Variants in GGA2 observed in about 807,000 individuals in gnomAD.
GGA2 encodes the protein golgi associated, gamma adaptin ear containing, ARF binding protein 2.
GGA2 carries 48 observed loss-of-function variants against 79.5 expected under a neutral mutation model. That is an observed-to-expected ratio of 0.60 (90% CI 0.48 to 0.77). The LOEUF (loss-of-function observed/expected upper bound fraction) is 0.77. GGA2 is among the 30% of genes least tolerant of loss of function. GGA2 has a pLI of 0.00. For synonymous variants in GGA2, 317 were observed against 302.0 expected (o/e 1.05, Z -0.51); for missense variants, 770 against 774.0 (o/e 0.99, Z 0.06).
intron 13 of GGA2, 36 bp downstream of exon 13, chr16:23,478,332 C>T: frequency 2.6e-6 from 4 of 1,527,058 alleles, no homozygotes; most frequent in Non-Finnish European, 1.8e-6. Flanking sequence ...CACTCAGGAG[C>T]CACACTCTCC....
Position 23,480,743 on chromosome 16 carries a change from A to T in GGA2, c.908T>A (p.Leu303His). 6.2e-7 allele frequency: 1 copy of T among 1,611,506 alleles called. No homozygotes were observed. The highest frequency in any genetic ancestry group is 8.5e-7 in the Non-Finnish European group (1 of 1,177,760). The stretch of plus-strand genomic sequence containing the variant: ...TTTGTACAGCAGAACTCCTTGGGTG[A>T]GGAGGTCATTTGCCTGGAGAATTTC... ...LAEILQANDL[L>H]TQGVLLYKQV... Residue 303 changes from leucine to histidine, a missense_variant, in exon 10 of 17, where the codon CTC becomes CAC. Coordinates refer to ENST00000309859, the MANE Select transcript of GGA2 (RefSeq NM_015044.4).
chr16:23,504,378 T>G (rs1964952249), intron 1 of GGA2, among the ~76,000 whole-genome samples: 1 of 152,244 alleles, frequency 6.6e-6, no homozygotes, highest in African/African-American at 2.4e-5. Flanking sequence ...AAAGCAGGCC[T>G]GTCTCATTCA....
intron 2 of GGA2, among the ~76,000 whole-genome samples, chr16:23,517,704 T>C (rs1016165919): frequency 3.3e-5 from 5 of 152,162 alleles, no homozygotes; most frequent in African/African-American, 1.2e-4. Flanking sequence ...AACACCCATC[T>C]ACCTGGGAAA....
At chr16:23,469,361 A>C (rs1316092878) in intron 15 of GGA2, 1 of 218,422 alleles carries the variant, frequency 4.6e-6, no homozygotes, top group African/African-American at 2.2e-5. Context: ...CTTATAAAAC[A>C]GAGGTAGTAG....
chr16:23,493,131 G>A (rs757628244), intron 4 of GGA2, among the ~76,000 whole-genome samples: 1 of 152,204 alleles, frequency 6.6e-6, no homozygotes, highest in Non-Finnish European at 1.5e-5. Context: ...TAGGCCACAC[G>A]TTCCCCAGGC....
rs982353428 is a variant in GGA2 at position 23,479,821 on chromosome 16, G to C, written c.1073C>G (p.Pro358Arg). 3.7e-6 allele frequency: 6 copies of C among 1,614,044 alleles called. No homozygotes were observed. The African/African-American group carries it at 5.3e-5, about 14-fold the overall frequency. Residue 358 changes from proline to arginine, a missense_variant, in exon 11 of 17, where the codon CCT (proline) becomes CGT (arginine). By Grantham distance (103) the Pro-to-Arg change is moderately radical (BLOSUM62 -2). Coordinates refer to ENST00000309859, the MANE Select transcript of GGA2 (RefSeq NM_015044.4). Reference sequence around the variant, plus strand: ...TGGCACCACAGTCCCCATCTGCGCAGGTCCATTGTCCACCTCCAAGTCAAT... The same window carrying C: ...TGGCACCACAGTCCCCATCTGCGCACGTCCATTGTCCACCTCCAAGTCAAT... Reference protein sequence around the residue: ...PLIDLEVDNGPAQMGTVVPSL... With the variant: ...PLIDLEVDNGRAQMGTVVPSL...
intron 2 of GGA2, among the ~76,000 whole-genome samples, chr16:23,518,207 G>A (rs1357459150): frequency 6.6e-6 from 1 of 151,804 alleles, no homozygotes; most frequent in Non-Finnish European, 1.5e-5. Context: ...CACCACGCCT[G>A]GCTGACATTT....
chr16:23,469,071 G>T, intron 15 of GGA2, 75 bp from the exon 16 acceptor site: 1 of 930,990 alleles, frequency 1.1e-6, no homozygotes, highest in Non-Finnish European at 1.8e-6. Flanking sequence ...GTGAGGGGGA[G>T]CTGGACCTCC....
At chr16:23,500,451 G>A (rs1404501572) in intron 1 of GGA2, among the ~76,000 whole-genome samples, 1 of 152,228 alleles carries the variant, frequency 6.6e-6, no homozygotes, top group Non-Finnish European at 1.5e-5. Flanking sequence ...GCAAGCAGAG[G>A]TGCAGGCCAA....
chr16:23,471,048 G>A (rs1964505061), intron 14 of GGA2, among the ~76,000 whole-genome samples: 1 of 151,652 alleles, frequency 6.6e-6, no homozygotes, highest in Non-Finnish European at 1.5e-5. Context: ...CAGGCTGGGG[G>A]AGGTCAGGCC....
At chr16:23,504,992 G>A (rs538319679) in intron 1 of GGA2, among the ~76,000 whole-genome samples, 1 of 152,248 alleles carries the variant, frequency 6.6e-6, no homozygotes, top group East Asian at 1.9e-4. Context: ...ACCAACCACC[G>A]GGGTCATGAC....
chr16:23,472,969 C>T (rs1027780351), intron 14 of GGA2, among the ~76,000 whole-genome samples: 3 of 140,078 alleles, frequency 2.1e-5, no homozygotes, highest in Non-Finnish European at 3.0e-5. Flanking sequence ...GGAGGTGAAG[C>T]TTGCAGTGAG....
chr16:23,501,635 C>A, intron 1 of GGA2: 1 of 251,024 alleles, frequency 4.0e-6, no homozygotes, highest in Non-Finnish European at 8.0e-6. Flanking sequence ...GCATGAATTT[C>A]ATTGGTATTC....
intron 5 of GGA2, among the ~76,000 whole-genome samples, chr16:23,489,781 G>A (rs1173891728): frequency 2.6e-5 from 4 of 152,192 alleles, no homozygotes; most frequent in African/African-American, 9.7e-5. Context: ...AAAACAGCGG[G>A]AAGGCCTGAA....
chr16:23,499,022 C>T lies in GGA2; in HGVS notation c.92-3244G>A, dbSNP rs74012185. 5.8e-3 allele frequency among the ~76,000 whole-genome samples: 876 copies of T among 152,128 alleles called. 14 individuals are homozygous for T. Among genetic ancestry groups the T allele is most frequent in the African/African-American group, 0.02 (831 of 41,482 alleles). On this transcript the variant is annotated intron_variant, in intron 1 of 16. Transcript: ENST00000309859. ...GAGGCAGGAAGAGAACAGGGGGAGG[C>T]AGGGAGAGAACAGGAGAGGCAGAGA...
At chr16:23,495,872 G>T in intron 1 of GGA2, 94 bp from the exon 2 acceptor site, 2 of 714,732 alleles carry the variant, frequency 2.8e-6, no homozygotes, top group Non-Finnish European at 4.7e-6. Context: ...TCTTATCACA[G>T]ATCTACAGGA....
chr16:23,471,925 A>T (rs1374158143), intron 14 of GGA2, among the ~76,000 whole-genome samples: 1 of 152,202 alleles, frequency 6.6e-6, no homozygotes, highest in Non-Finnish European at 1.5e-5. Flanking sequence ...AATTTAAAAA[A>T]AAATTAAAAC....
chr16:23,496,848 C>T (rs1964862244), intron 1 of GGA2, among the ~76,000 whole-genome samples: 1 of 151,716 alleles, frequency 6.6e-6, no homozygotes, highest in African/African-American at 2.4e-5. Flanking sequence ...ATCCCAGCTA[C>T]TCAGGTGGCT....
intron 2 of GGA2, among the ~76,000 whole-genome samples, chr16:23,495,138 C>T (rs924005441): frequency 2.6e-5 from 4 of 151,848 alleles, no homozygotes; most frequent in African/African-American, 9.7e-5. Context: ...GGATGACTCA[C>T]TTGATTCTGA....
Sources: allele counts gnomAD v4.1 joint callset (sites outside exome capture counted in the v4.1 genomes callset), GRCh38; gene constraint gnomAD v4.1.1; transcripts MANE v1.5; gene names NCBI Gene and HGNC (gene_info 2026-07-23, HGNC 2026-07-21).